LHFPL2: variants seen among roughly 807,000 people sequenced by gnomAD.
LHFPL2 encodes LHFPL tetraspan subfamily member 2 protein.
A neutral mutation model predicts 17.5 loss-of-function variants in LHFPL2; 7 were observed. The observed-to-expected ratio is 0.40, with a 90% confidence interval of 0.23 to 0.75. The LOEUF is 0.75. Ranked by LOEUF, LHFPL2 falls within the 30% of genes least tolerant of loss-of-function variation. LHFPL2 has a pLI of 0.37. For missense variants in LHFPL2, 241 were observed against 294.8 expected, an observed-to-expected ratio of 0.82 and a Z score of 1.34; for synonymous variants, 134 against 116.2, an observed-to-expected ratio of 1.15 and a Z score of -0.99.
rs149862504 is a variant in LHFPL2, at chr5:78,599,866, T to C, written c.-245+32398A>G. On this transcript the variant is annotated intron_variant, in intron 2 of 4. Transcript: ENST00000380345. ...TTTTTCAAACTATTCCCCAAATTAT[T>C]GGTAGTTTCTGGAGTTCTCTTTACA... Among the ~76,000 whole-genome samples the C allele has an allele frequency of 2.0e-3, 300 of 152,232 alleles. 1 individual carries two copies. Among genetic ancestry groups the C allele is most frequent in the African/African-American group, 6.7e-3 (280 of 41,542 alleles).
chr5:78,561,493 G>A (rs78684768), intron 3 of LHFPL2, among the ~76,000 whole-genome samples: 9 of 152,324 alleles, frequency 5.9e-5, no homozygotes, highest in East Asian at 3.9e-4. Context: ...CCAGTGCTGC[G>A]TTCGCCCATG....
At position 78,487,083 on chromosome 5, in the gene LHFPL2, C is replaced by T. The variant is rs1004648070; in HGVS notation, c.*1814G>A. 1 of 152,032 alleles carries T rather than the reference C, an allele frequency of 6.6e-6. No homozygotes were observed. Among genetic ancestry groups the T allele is most frequent in the Non-Finnish European group, 1.5e-5 (1 of 67,992 alleles). The allele number at this position is 152,032 out of a possible 1,614,324, so 9.4% of individuals were successfully genotyped here. Reference sequence around the variant, plus strand: ...ATGAAGATACCCGTTTTTTTCTTCACCAAAATCACAGGATTTACATCTCAC... The same window carrying T: ...ATGAAGATACCCGTTTTTTTCTTCATCAAAATCACAGGATTTACATCTCAC... On this transcript the variant is annotated 3_prime_UTR_variant, in exon 5 of 5. Coordinates refer to ENST00000380345, the MANE Select transcript of LHFPL2 (RefSeq NM_005779.3).
chr5:78,601,326 C>G (rs1045660572), intron 2 of LHFPL2, among the ~76,000 whole-genome samples: 2 of 152,128 alleles, frequency 1.3e-5, no homozygotes, highest in African/African-American at 4.8e-5. Flanking sequence ...ATGATTCAGC[C>G]ATGTTCACAG....
At chr5:78,513,744 CT>C (rs1317156828) in intron 3 of LHFPL2, among the ~76,000 whole-genome samples, 1 of 152,214 alleles carries the variant, frequency 6.6e-6, no homozygotes, top group Non-Finnish European at 1.5e-5. Context: ...TCACTTAGTT[CT>C]CATTCTCTCT....
At chr5:78,517,166 C>T (rs1360677230) in intron 3 of LHFPL2, among the ~76,000 whole-genome samples, 1 of 152,218 alleles carries the variant, frequency 6.6e-6, no homozygotes, top group Non-Finnish European at 1.5e-5. Context: ...CTTAAACATG[C>T]TTCTTTTCCC....
At chr5:78,609,850 A>G (rs867089532) in intron 2 of LHFPL2, among the ~76,000 whole-genome samples, 9 of 152,172 alleles carry the variant, frequency 5.9e-5, no homozygotes, top group Admixed American at 2.0e-4. Flanking sequence ...TACCTAAAAA[A>G]AAAAAAAAAT....
intron 3 of LHFPL2, among the ~76,000 whole-genome samples, chr5:78,531,726 G>A (rs936727673): frequency 1.3e-5 from 2 of 152,118 alleles, no homozygotes; most frequent in African/African-American, 4.8e-5. Flanking sequence ...CAATGAGATG[G>A]GGATGGACTT....
intron 2 of LHFPL2, among the ~76,000 whole-genome samples, chr5:78,602,070 C>T (rs898164793): frequency 6.6e-6 from 1 of 152,110 alleles, no homozygotes; most frequent in Non-Finnish European, 1.5e-5. Flanking sequence ...AAATATGGTA[C>T]TACTTTGAAA....
At chr5:78,567,105 T>C (rs150524396) in intron 2 of LHFPL2, among the ~76,000 whole-genome samples, 207 of 152,304 alleles carry the variant, frequency 1.4e-3, no homozygotes, top group Admixed American at 4.2e-3. Context: ...ACCCTAACAG[T>C]AACGGAAAAG....
intron 2 of LHFPL2, among the ~76,000 whole-genome samples, chr5:78,577,705 A>G (rs1387820975): frequency 5.9e-5 from 9 of 152,190 alleles, no homozygotes; most frequent in African/African-American, 1.7e-4. Context: ...ACATACAATG[A>G]AGAAATATTT....
intron 2 of LHFPL2, among the ~76,000 whole-genome samples, chr5:78,569,955 G>A (rs1035491847): frequency 3.9e-5 from 6 of 152,218 alleles, no homozygotes; most frequent in African/African-American, 1.4e-4. Context: ...CCAGCCACAA[G>A]TCATATTCAA....
intron 2 of LHFPL2, among the ~76,000 whole-genome samples, chr5:78,594,128 G>A (rs905457947): frequency 1.3e-5 from 2 of 152,174 alleles, no homozygotes; most frequent in South Asian, 4.1e-4. Context: ...GTTAAGTATG[G>A]GGGCCAGACA....
At chr5:78,538,145 T>C (rs1214483715) in intron 3 of LHFPL2, among the ~76,000 whole-genome samples, 1 of 152,200 alleles carries the variant, frequency 6.6e-6, no homozygotes, top group Non-Finnish European at 1.5e-5. Flanking sequence ...CCCCAGGTGA[T>C]TCACAGGCAC....
rs138343128 is a variant in LHFPL2, at chr5:78,597,944, G to C, written c.-244-33073C>G. Among the ~76,000 whole-genome samples the C allele has an allele frequency of 1.1e-3, 172 of 152,304 alleles. 2 individuals are homozygous for C. Among genetic ancestry groups the C allele is most frequent in the East Asian group, 3.9e-3 (20 of 5,180 alleles). On this transcript the variant is annotated intron_variant, in intron 2 of 4. Transcript: ENST00000380345. ...ATTATAAATCCATTTCCAGGATGCA[G>C]AGCCAGAAATGTTTTTGTTGCTCAC... is the stretch of plus-strand genomic sequence containing the variant.
At chr5:78,559,019 T>C (rs1408680945) in intron 3 of LHFPL2, among the ~76,000 whole-genome samples, 1 of 152,188 alleles carries the variant, frequency 6.6e-6, no homozygotes, top group East Asian at 1.9e-4. Context: ...CCTGCCTCCA[T>C]GAGGCTATGT....
Position 78,592,598 on chromosome 5 carries a change from T to C in LHFPL2, c.-244-27727A>G, listed in dbSNP as rs148167332. Among the ~76,000 whole-genome samples the C allele has an allele frequency of 2.9e-3, 428 of 149,744 alleles. 1 individual carries two copies. The highest frequency in any genetic ancestry group is 0.01 in the Middle Eastern group (3 of 288). On this transcript the variant is annotated intron_variant, in intron 2 of 4. Transcript: ENST00000380345. The stretch of plus-strand genomic sequence containing the variant: ...TACATTAAGTTCTGCCTGATTACTC[T>C]TCAACTTAGTGAAAAATTCAGATAC...
chr5:78,517,565 G>A (rs1480618973), intron 3 of LHFPL2, among the ~76,000 whole-genome samples: 1 of 152,202 alleles, frequency 6.6e-6, no homozygotes, highest in Non-Finnish European at 1.5e-5. Context: ...ATGGAAGAAG[G>A]TGAATGAGGA....
rs537369957 is a variant in LHFPL2, at chr5:78,486,812, T to C, written c.*2085A>G. The C allele has an allele frequency of 5.3e-5, 8 of 152,340 alleles. No individual in the cohort carries two copies. Among genetic ancestry groups the C allele is most frequent in the African/African-American group, 1.9e-4 (8 of 41,584 alleles). 9.4% of individuals were successfully genotyped at this position (152,340 alleles called of 1,614,324 possible). A position where few individuals can be genotyped will look rare whatever the true frequency, so the allele number is the denominator to read the frequency against. On this transcript the variant is annotated 3_prime_UTR_variant, in exon 5 of 5. Transcript: ENST00000380345. ...ACATGCTCGGAGGATCCTGTGAGCT[T>C]AGGACTTAACTTGTAAGGACACTGA...
rs1745959764 is a variant in LHFPL2, at chr5:78,648,257, C to T, written c.-350+242G>A. 6.6e-6 allele frequency among the ~76,000 whole-genome samples: 1 copy of T among 152,082 alleles called. No individual in the cohort carries two copies. The highest frequency in any genetic ancestry group is 2.4e-5 in the African/African-American group (1 of 41,440). ...TTTCCACTTCTGCGGCCGCCGGCGG[C>T]GCTGAGAAGCAGCTGTTCCCTTCCC... On this transcript the variant is annotated intron_variant, in intron 1 of 4. Coordinates refer to ENST00000380345, the MANE Select transcript of LHFPL2 (RefSeq NM_005779.3). The surrounding 1 kb of genome is among the most constrained non-coding windows in gnomAD (Gnocchi z 5.4).
Sources: gnomAD v4.1 joint callset for allele counts (sites outside exome capture counted in the v4.1 genomes callset) on GRCh38, gnomAD v4.1.1 for gene constraint, Gnocchi (gnomAD v3.1) non-coding constraint, MANE v1.5 for transcripts, NCBI Gene and HGNC (gene_info 2026-07-23, HGNC 2026-07-21) for gene names.